The following DISP1 variants were observed in gnomAD, a reference collection of about 807,000 sequenced individuals.
DISP1 encodes the protein protein dispatched homolog 1.
Under a neutral mutation model 37.3 loss-of-function variants are expected in DISP1, and 30 were observed. The ratio of observed to expected loss-of-function variants is 0.80; its 90% CI spans 0.60 to 1.09. The LOEUF is 1.09. Ranked by LOEUF, DISP1 falls within the 50% of genes least tolerant of loss-of-function variation. The probability of loss-of-function intolerance (pLI) is 0.00; values close to 1 mark genes in which losing one functional copy is unlikely to be tolerated. For synonymous variants in DISP1, 634 were observed against 690.2 expected, an observed-to-expected ratio of 0.92 and a Z score of 1.28; for missense variants, 1,598 against 1,879.5, an observed-to-expected ratio of 0.85 and a Z score of 2.77.
At chr1:222,985,185 CTG>C (rs1678178143) in intron 4 of DISP1, among the ~76,000 whole-genome samples, 1 of 152,296 alleles carries the variant, frequency 6.6e-6, no homozygotes, top group East Asian at 1.9e-4. Flanking sequence ...ATTTCTTTCT[CTG>C]TTATTAAATT....
At chr1:222,914,847 G>C (rs1672405751) in intron 1 of DISP1, among the ~76,000 whole-genome samples, 1 of 152,046 alleles carries the variant, frequency 6.6e-6, no homozygotes, top group Non-Finnish European at 1.5e-5. Flanking sequence ...TGCCCCTGTA[G>C]TACCAGGTAT....
intron 3 of DISP1, among the ~76,000 whole-genome samples, chr1:222,957,164 A>G (rs1280633797): frequency 6.6e-6 from 1 of 151,658 alleles, no homozygotes; most frequent in Non-Finnish European, 1.5e-5. Context: ...AAAAAAAAAA[A>G]AAAAGCATTC....
At chr1:222,826,046 T>A (rs34690779) in intron 1 of DISP1, among the ~76,000 whole-genome samples, 16,484 of 152,138 alleles carry the variant, frequency 0.11, 1,253 homozygotes, top group South Asian at 0.16. Flanking sequence ...GGACTGTAGG[T>A]GTGTACCACC....
chr1:222,991,260 G>A (rs1179054335), intron 5 of DISP1, among the ~76,000 whole-genome samples: 1 of 152,164 alleles, frequency 6.6e-6, no homozygotes, highest in Non-Finnish European at 1.5e-5. Context: ...TAAATGCTTA[G>A]GCATGAGTTG....
chr1:222,975,819 A>G (rs1349777918), intron 3 of DISP1, among the ~76,000 whole-genome samples: 1 of 152,246 alleles, frequency 6.6e-6, no homozygotes, highest in Non-Finnish European at 1.5e-5. Context: ...CAGTTTGTAC[A>G]TGCTTTGCTT....
At chr1:222,925,481 T>G (rs978988183) in intron 1 of DISP1, among the ~76,000 whole-genome samples, 1 of 152,114 alleles carries the variant, frequency 6.6e-6, no homozygotes, top group Non-Finnish European at 1.5e-5. Flanking sequence ...CATGGGAATT[T>G]TTGGTATTAC....
At chr1:222,816,077 A>ATT (rs1444513431) in intron 1 of DISP1, among the ~76,000 whole-genome samples, 3 of 2,662 alleles carry the variant, frequency 1.1e-3, no homozygotes, top group Non-Finnish European at 2.3e-3. Context: ...AAGGAAATAT[A>ATT]TATATATATA....
intron 7 of DISP1, among the ~76,000 whole-genome samples, chr1:222,993,205 A>G (rs1325508750): frequency 1.3e-5 from 2 of 152,096 alleles, no homozygotes; most frequent in Non-Finnish European, 2.9e-5. Context: ...AATTCTCTAA[A>G]TGTTGGCAAC....
intron 1 of DISP1, among the ~76,000 whole-genome samples, chr1:222,924,265 A>G (rs1370597587): frequency 6.6e-6 from 1 of 152,174 alleles, no homozygotes; most frequent in Non-Finnish European, 1.5e-5. Context: ...CTTTTCTTAA[A>G]TAATCCAGGT....
intron 1 of DISP1, among the ~76,000 whole-genome samples, chr1:222,871,477 T>C (rs1669569255): frequency 6.6e-6 from 1 of 152,192 alleles, no homozygotes; most frequent in Non-Finnish European, 1.5e-5. Flanking sequence ...TGAGCAGTGG[T>C]TTGTAGTTCT....
chr1:222,969,520 C>A (rs1039189505), intron 3 of DISP1, among the ~76,000 whole-genome samples: 2 of 151,814 alleles, frequency 1.3e-5, no homozygotes, highest in African/African-American at 4.8e-5. Flanking sequence ...AAGATTCTTA[C>A]AAATAAATGA....
chr1:222,846,794 G>A (rs1261012615), intron 1 of DISP1, among the ~76,000 whole-genome samples: 1 of 152,260 alleles, frequency 6.6e-6, no homozygotes, highest in Non-Finnish European at 1.5e-5. Context: ...GTGATAGCAG[G>A]ACATTCTGTC....
intron 1 of DISP1, among the ~76,000 whole-genome samples, chr1:222,843,639 G>A (rs879293667): frequency 1.3e-5 from 2 of 152,064 alleles, no homozygotes; most frequent in African/African-American, 2.4e-5. Flanking sequence ...TTGCTGAAAG[G>A]AGTGATTAAT....
In DISP1 at chr1:223,005,511, A is replaced by G. The variant is rs2102810572; in HGVS notation, c.4114A>G (p.Thr1372Ala). The G allele has an allele frequency of 1.2e-6, 2 of 1,614,090 alleles. No homozygotes were observed. The highest frequency in any genetic ancestry group is 1.7e-6 in the Non-Finnish European group (2 of 1,180,034). Residue 1372 changes from threonine to alanine, a missense_variant, in exon 9 of 9, where the codon ACC becomes GCC. Thr to Ala is a moderately conservative substitution (Grantham distance 58). Transcript: ENST00000675850. ...TCAGGCCCAAGAAAAAATTGGCAAG[A>G]CCAATGTACACAGTCTTCAGAGGAG... ...HIQAQEKIGK[T>A]NVHSLQRSIE...
chr1:222,999,570 C>G (rs970514512), intron 8 of DISP1, among the ~76,000 whole-genome samples: 3 of 152,188 alleles, frequency 2.0e-5, no homozygotes, highest in African/African-American at 7.2e-5. Flanking sequence ...TAATACCATA[C>G]TTCTCGCTTT....
chr1:222,886,854 GATC>G (rs1670628451), intron 1 of DISP1, among the ~76,000 whole-genome samples: 1 of 152,188 alleles, frequency 6.6e-6, no homozygotes, highest in Non-Finnish European at 1.5e-5. Flanking sequence ...TTTTGAGAGA[GATC>G]ATTTGGAATT....
Position 222,923,297 on chromosome 1 carries a change from C to G in DISP1, c.-158-5133C>G, listed in dbSNP as rs78376951. Among the ~76,000 whole-genome samples, 10 of 152,108 alleles carry G rather than the reference C, an allele frequency of 6.6e-5. No homozygotes were observed. The East Asian group carries it at 1.7e-3, about 26-fold the overall frequency. ...TAGTGATGACAATATTCTCTATTTG[C>G]ACTGCCCAATTCAGAAGCCGTGAAC... On this transcript the variant is annotated intron_variant, in intron 1 of 8. Coordinates refer to ENST00000675850, the MANE Select transcript of DISP1 (RefSeq NM_001377229.1).
intron 1 of DISP1, among the ~76,000 whole-genome samples, chr1:222,875,148 G>A (rs1669887051): frequency 6.6e-6 from 1 of 151,820 alleles, no homozygotes; most frequent in Admixed American, 6.6e-5. Flanking sequence ...ATTTAGGTTG[G>A]GCCTTAAATT....
At chr1:222,821,374 C>T (rs1052926055) in intron 1 of DISP1, among the ~76,000 whole-genome samples, 1 of 152,180 alleles carries the variant, frequency 6.6e-6, no homozygotes, top group Non-Finnish European at 1.5e-5. Flanking sequence ...TTACAAAAGA[C>T]ATTTTCTGGG....
Sources: gnomAD v4.1 joint callset for allele counts (sites outside exome capture counted in the v4.1 genomes callset) on GRCh38, gnomAD v4.1.1 for gene constraint, MANE v1.5 for transcripts, NCBI Gene and HGNC (gene_info 2026-07-23, HGNC 2026-07-21) for gene names.